The following CDHR3 variants were observed in gnomAD, a reference collection of about 807,000 sequenced individuals.
CDHR3 encodes the protein cadherin related family member 3.
CDHR3 carries 79 observed loss-of-function variants against 86.6 expected under a neutral mutation model. The ratio of observed to expected loss-of-function variants is 0.91; its 90% CI spans 0.76 to 1.10. CDHR3 has a LOEUF of 1.10. CDHR3 is among the 50% of genes least tolerant of loss of function. The probability of loss-of-function intolerance (pLI) is 0.00; values close to 1 mark genes in which losing one functional copy is unlikely to be tolerated. For missense variants in CDHR3, 1,081 were observed against 1,077.6 expected, an observed-to-expected ratio of 1.00 and a Z score of -0.04; for synonymous variants, 421 against 402.4, an observed-to-expected ratio of 1.05 and a Z score of -0.55.
At chr7:106,011,463 A>T (rs1834795558) in intron 8 of CDHR3, among the ~76,000 whole-genome samples, 3 of 152,062 alleles carry the variant, frequency 2.0e-5, no homozygotes, top group Non-Finnish European at 1.5e-5. Context: ...GAAATCAAGC[A>T]CCTTCCCACC....
chr7:105,999,290 G>A (rs1832759003), intron 6 of CDHR3, among the ~76,000 whole-genome samples: 2 of 152,208 alleles, frequency 1.3e-5, no homozygotes, highest in African/African-American at 4.8e-5. Flanking sequence ...TTAATGTCAG[G>A]TTAGCCAAGG....
Position 105,978,077 on chromosome 7 carries a change from A to G in CDHR3, c.250-2891A>G, listed in dbSNP as rs1056730721. On this transcript the variant is annotated intron_variant, in intron 2 of 18. Coordinates refer to ENST00000317716, the MANE Select transcript of CDHR3 (RefSeq NM_152750.5). ...AACTGAGGCATAGAGAGGTTGAGCA[A>G]CTTGCCCAAGTTCACATAACTAGGA... 1.1e-4 allele frequency among the ~76,000 whole-genome samples: 16 copies of G among 152,322 alleles called. No homozygotes were observed. The South Asian group carries it at 3.3e-3, about 32-fold the overall frequency.
intron 2 of CDHR3, among the ~76,000 whole-genome samples, chr7:105,975,679 T>G (rs1031786889): frequency 6.6e-6 from 1 of 152,204 alleles, no homozygotes; most frequent in African/African-American, 2.4e-5. Flanking sequence ...AGCCTGCTTC[T>G]TGCATGCTTT....
intron 6 of CDHR3, among the ~76,000 whole-genome samples, chr7:105,998,492 T>C (rs1480130871): frequency 6.6e-6 from 1 of 152,204 alleles, no homozygotes; most frequent in East Asian, 1.9e-4. Context: ...GAACATTTTA[T>C]TATAAAAGCA....
chr7:105,964,332 G>A (rs1215394509), intron 1 of CDHR3, among the ~76,000 whole-genome samples: 3 of 152,012 alleles, frequency 2.0e-5, no homozygotes, highest in African/African-American at 7.2e-5. Flanking sequence ...TATGATGTAT[G>A]GAAATCTGTT....
At chr7:105,984,852 A>G (rs1040288733) in intron 4 of CDHR3, among the ~76,000 whole-genome samples, 1 of 152,116 alleles carries the variant, frequency 6.6e-6, no homozygotes, top group Admixed American at 6.5e-5. Flanking sequence ...TGAACCCAGG[A>G]GTTTGAGACC....
intron 2 of CDHR3, among the ~76,000 whole-genome samples, chr7:105,980,457 T>C (rs1563238318): frequency 1.3e-5 from 2 of 152,066 alleles, no homozygotes; most frequent in East Asian, 3.9e-4. Context: ...AGTTTTAGGG[T>C]ACATGTGCAC....
chr7:105,969,548 T>C (rs1253873688), intron 1 of CDHR3, among the ~76,000 whole-genome samples: 2 of 152,246 alleles, frequency 1.3e-5, no homozygotes, highest in African/African-American at 2.4e-5. Flanking sequence ...CTGTGGGTTC[T>C]GCCGTTGAGG....
intron 16 of CDHR3, among the ~76,000 whole-genome samples, chr7:106,027,396 C>CAA (rs11347271): frequency 7.1e-6 from 1 of 140,856 alleles, no homozygotes. Flanking sequence ...GACTCTGTCT[C>CAA]AAAAAAAAAA....
rs368556227 is a variant in CDHR3 at position 106,028,554 on chromosome 7, C to T, written c.2276C>T (p.Thr759Met). The change falls in exon 17 of 19, where the codon ACG becomes ATG. Residue 759 changes from threonine to methionine, a missense_variant. Coordinates refer to ENST00000317716, the MANE Select transcript of CDHR3 (RefSeq NM_152750.5). ...NKEPLTKKGETKTAERDVVVE... is the reference protein window; with the variant it reads ...NKEPLTKKGEMKTAERDVVVE... ...CTGCCTGTTCTGTTCTCTGCAGAAA[C>T]GAAGACTGCAGAGAGAGACGTCGTG... 4.7e-5 allele frequency: 76 copies of T among 1,613,936 alleles called. No homozygotes were observed. Among genetic ancestry groups the T allele is most frequent in the Middle Eastern group, 3.3e-4 (2 of 6,060 alleles).
intron 18 of CDHR3, among the ~76,000 whole-genome samples, chr7:106,031,319 C>T (rs1426650600): frequency 6.6e-6 from 1 of 152,222 alleles, no homozygotes; most frequent in Non-Finnish European, 1.5e-5. Context: ...CCAAGAATTT[C>T]CTCTTGGTCG....
Position 106,018,083 on chromosome 7 carries a change from C to G in CDHR3, c.1653+11C>G, listed in dbSNP as rs1563294527. 1 of 1,609,400 alleles carries G rather than the reference C, an allele frequency of 6.2e-7. No homozygotes were observed. Among genetic ancestry groups the G allele is most frequent in the East Asian group, 2.2e-5 (1 of 44,868 alleles). On this transcript the variant is annotated intron_variant, in intron 12 of 18. Transcript: ENST00000317716. Reference sequence around the variant, plus strand: ...ACAAGCTCTGTCACTGTGAGTGGTGCTGCTTGGTATAGTGCCGGTAACCCA... The same window carrying G: ...ACAAGCTCTGTCACTGTGAGTGGTGGTGCTTGGTATAGTGCCGGTAACCCA...
At chr7:105,990,553 G>A (rs1177727849) in intron 4 of CDHR3, among the ~76,000 whole-genome samples, 4 of 152,146 alleles carry the variant, frequency 2.6e-5, no homozygotes, top group Non-Finnish European at 5.9e-5. Flanking sequence ...TGAGTGCTCT[G>A]GCCCTCTGGG....
At chr7:105,993,069 T>C (rs1224412941) in intron 4 of CDHR3, among the ~76,000 whole-genome samples, 1 of 152,174 alleles carries the variant, frequency 6.6e-6, no homozygotes, top group Non-Finnish European at 1.5e-5. Flanking sequence ...TTGGCAGGTG[T>C]TTCCTTTGAT....
intron 6 of CDHR3, 68 bp from the exon 7 acceptor site, chr7:106,001,394 C>T: frequency 2.5e-6 from 4 of 1,572,524 alleles, no homozygotes; most frequent in Non-Finnish European, 2.6e-6. Flanking sequence ...AACCAAAATA[C>T]CAATCGCCTA....
chr7:106,009,376 C>CT (rs1834420875), intron 8 of CDHR3, among the ~76,000 whole-genome samples: 1 of 152,340 alleles, frequency 6.6e-6, no homozygotes, highest in South Asian at 2.1e-4. Flanking sequence ...AAGCCCTGAC[C>CT]TGCAGCACCC....
chr7:105,970,167 C>A (rs1039198369), intron 1 of CDHR3, among the ~76,000 whole-genome samples: 7 of 151,324 alleles, frequency 4.6e-5, no homozygotes, highest in Admixed American at 1.3e-4. Context: ...AGCAGCTACA[C>A]CCCAAGAAGA....
chr7:106,011,066 C>A (rs1834726857), intron 8 of CDHR3, among the ~76,000 whole-genome samples: 1 of 152,188 alleles, frequency 6.6e-6, no homozygotes, highest in Non-Finnish European at 1.5e-5. Context: ...GTTATGCTCT[C>A]ATGGTTAAAG....
At chr7:106,018,140 C>A (rs1203680543) in intron 12 of CDHR3, 68 bp downstream of exon 12, 3 of 1,306,360 alleles carry the variant, frequency 2.3e-6, no homozygotes, top group Non-Finnish European at 3.2e-6. Flanking sequence ...CTGGCACCCC[C>A]AGAGTGTGGA....
Sources: allele counts gnomAD v4.1 joint callset (sites outside exome capture counted in the v4.1 genomes callset), GRCh38; gene constraint gnomAD v4.1.1; transcripts MANE v1.5; gene names NCBI Gene and HGNC (gene_info 2026-07-23, HGNC 2026-07-21).